The following OSBPL5 variants were observed in gnomAD, a reference collection of about 807,000 sequenced individuals.
OSBPL5 encodes oxysterol-binding protein-related protein 5.
OSBPL5 carries 71 observed loss-of-function variants against 111.2 expected under a neutral mutation model. The ratio of observed to expected loss-of-function variants is 0.64; its 90% CI spans 0.53 to 0.78. The LOEUF (loss-of-function observed/expected upper bound fraction) is 0.78, where lower values mean the gene tolerates loss of function less well. Ranked by LOEUF, OSBPL5 falls within the 30% of genes least tolerant of loss-of-function variation. The pLI, the probability that OSBPL5 is intolerant of heterozygous loss-of-function variation, is 0.00. For missense variants in OSBPL5, 1,210 were observed against 1,189.3 expected (o/e 1.02, Z -0.26); for synonymous variants, 549 against 513.9 (o/e 1.07, Z -0.93).
rs367840281 is a variant in OSBPL5 at position 3,103,273 on chromosome 11, C to T, written c.1292G>A (p.Arg431Gln). The T allele has an allele frequency of 5.3e-5, 85 of 1,608,356 alleles. No homozygotes were observed. The highest frequency in any genetic ancestry group is 6.7e-5 in the African/African-American group (5 of 74,884). Reference sequence around the variant, plus strand: ...CTTGTAGAAGCCAGACAGGTACCACCGCAGCACCAGCTTCATGCGGCTGTA... The same window carrying T: ...CTTGTAGAAGCCAGACAGGTACCACTGCAGCACCAGCTTCATGCGGCTGTA... ...DAYSRMKLVL[R>Q]WYLSGFYKKP... The change falls in exon 11 of 22, where the codon CGG becomes CAG. Residue 431 changes from arginine (R) to glutamine (Q), a missense_variant. By Grantham distance (43) the Arg-to-Gln change is conservative. Coordinates refer to ENST00000263650, the MANE Select transcript of OSBPL5 (RefSeq NM_020896.4).
chr11:3,131,701 T>TCCATCCATCCATCCTC (rs879927668), intron 1 of OSBPL5, among the ~76,000 whole-genome samples: 40,412 of 112,472 alleles, frequency 0.36, 7,678 homozygotes, highest in Non-Finnish European at 0.42. Context: ...CATTCATCTA[T>TCCATCCATCCATCCTC]CCATCCATCC....
In OSBPL5 at chr11:3,088,348, A is replaced by G; in HGVS notation, c.2502-5T>C. 6.4e-7 allele frequency: 1 copy of G among 1,557,134 alleles called. No homozygotes were observed. The highest frequency in any genetic ancestry group is 2.1e-4 in the Middle Eastern group (1 of 4,768). The stretch of plus-strand genomic sequence containing the variant: ...CTCAGCATGGCCGAGAGGTGCCTGC[A>G]AGGACAGGCGACAGATCGTGGGGGC... On this transcript the variant is annotated splice_polypyrimidine_tract_variant and splice_region_variant and intron_variant, in intron 21 of 21. Transcript: ENST00000263650.
chr11:3,131,699 TATCCATCCATCC>T (rs796941353), intron 1 of OSBPL5, among the ~76,000 whole-genome samples: 1,186 of 79,102 alleles, frequency 0.015, 23 homozygotes, highest in African/African-American at 0.045. Flanking sequence ...CCCATTCATC[TATCCATCCATCC>T]ATCCATCCAT....
chr11:3,093,806 G>C lies in OSBPL5; in HGVS notation c.1749C>G (p.Asn583Lys). 6.2e-7 allele frequency: 1 copy of C among 1,612,902 alleles called. No individual in the cohort carries two copies. Among genetic ancestry groups the C allele is most frequent in the Non-Finnish European group, 8.5e-7 (1 of 1,179,982 alleles). The change falls in exon 16 of 22, where the codon AAC becomes AAG. Residue 583 changes from asparagine (N) to lysine (K), a missense_variant. By Grantham distance (94) the Asn-to-Lys change is moderately conservative (BLOSUM62 0). Coordinates refer to ENST00000263650, the MANE Select transcript of OSBPL5 (RefSeq NM_020896.4). ...KPFFGGSTSI[N>K]QISGKITSGE... ...CCGACGTGATCTTTCCCGAGATCTG[G>C]TTGATGCTGGTGCTACCCCCGAAGA...
Position 3,162,422 on chromosome 11 carries a change from C to T in OSBPL5, c.-22+2794G>A, listed in dbSNP as rs189044205. On this transcript the variant is annotated intron_variant, in intron 1 of 21. Coordinates refer to ENST00000263650, the MANE Select transcript of OSBPL5 (RefSeq NM_020896.4). This position sits in a 1 kb window ranked among gnomAD's most constrained non-coding sequence, Gnocchi z 8.1. ...CCCACCCCCTCCCCATCTCCCACCTCAAGCCCTGGTCCTGAGGACACAGCT... is the reference window on the plus strand; with the variant it reads ...CCCACCCCCTCCCCATCTCCCACCTTAAGCCCTGGTCCTGAGGACACAGCT... Among the ~76,000 whole-genome samples the T allele has an allele frequency of 2.7e-3, 404 of 152,160 alleles. No homozygotes were observed. Among genetic ancestry groups the T allele is most frequent in the Non-Finnish European group, 3.2e-3 (215 of 68,000 alleles).
intron 11 of OSBPL5, among the ~76,000 whole-genome samples, chr11:3,102,644 G>A (rs951617677): frequency 6.6e-6 from 1 of 150,852 alleles, no homozygotes; most frequent in Non-Finnish European, 1.5e-5. Flanking sequence ...CCCCAAACCT[G>A]CTGTACGACT....
intron 1 of OSBPL5, among the ~76,000 whole-genome samples, chr11:3,152,845 A>G (rs1001992781): frequency 2.0e-5 from 3 of 152,222 alleles, no homozygotes; most frequent in Admixed American, 6.5e-5. Flanking sequence ...AGCCCAATCA[A>G]GCATCATGGA....
At position 3,121,914 on chromosome 11, in the gene OSBPL5, A is replaced by G. The variant is rs1319111326; in HGVS notation, c.402+83T>C. The G allele has an allele frequency of 4.0e-6, 5 of 1,264,998 alleles. No individual in the cohort carries two copies. The African/African-American group carries it at 5.9e-5, about 15-fold the overall frequency. The allele number at this position is 1,264,998 out of a possible 1,614,324, so 78.4% of individuals were successfully genotyped here. On this transcript the variant is annotated intron_variant, in intron 5 of 21. Transcript: ENST00000263650. The surrounding 1 kb of genome is among the most constrained non-coding windows in gnomAD (Gnocchi z 4.3). ...CAGGGAAGTGAATTTCCATCGTTTC[A>G]GGCCACCTGGTTTATGGTCCTTTGT...
Position 3,126,717 on chromosome 11 carries a change from T to A in OSBPL5, c.137-162A>T. 1.9e-6 allele frequency: 1 copy of A among 532,586 alleles called. No individual in the cohort carries two copies. The highest frequency in any genetic ancestry group is 3.3e-6 in the Non-Finnish European group (1 of 300,848). 33.0% of individuals were successfully genotyped at this position (532,586 alleles called of 1,614,324 possible). A position where few individuals can be genotyped will look rare whatever the true frequency, so the allele number is the denominator to read the frequency against. ...CAGGAACAGGACACTGCCTGAGAGGTGTAATAAACGCCAGCAAGCGTCACT... is the reference window on the plus strand; with the variant it reads ...CAGGAACAGGACACTGCCTGAGAGGAGTAATAAACGCCAGCAAGCGTCACT... On this transcript the variant is annotated intron_variant, in intron 2 of 21. Transcript: ENST00000263650. This position sits in a 1 kb window ranked among gnomAD's most constrained non-coding sequence, Gnocchi z 6.5.
In OSBPL5 at chr11:3,122,699, G is replaced by A. The variant is rs142641639; in HGVS notation, c.220-271C>T. On this transcript the variant is annotated intron_variant, in intron 3 of 21. Coordinates refer to ENST00000263650, the MANE Select transcript of OSBPL5 (RefSeq NM_020896.4). ...CTCCCCGGGGCACATGCTGGGATGGGGCAGGGTGGTCAGGAAGGAGGGAAA... is the reference window on the plus strand; with the variant it reads ...CTCCCCGGGGCACATGCTGGGATGGAGCAGGGTGGTCAGGAAGGAGGGAAA... 3.8e-3 allele frequency among the ~76,000 whole-genome samples: 579 copies of A among 152,360 alleles called. 5 individuals carry two copies. The highest frequency in any genetic ancestry group is 0.013 in the African/African-American group (532 of 41,586).
Position 3,092,367 on chromosome 11 carries a change from G to C in OSBPL5, c.2259+65C>G, listed in dbSNP as rs948512619. 1.5e-5 allele frequency: 23 copies of C among 1,495,404 alleles called. 1 individual carries two copies. Among genetic ancestry groups the C allele is most frequent in the African/African-American group, 2.8e-5 (2 of 72,050 alleles). The allele number at this position is 1,495,404 out of a possible 1,614,324, so 92.6% of individuals were successfully genotyped here. ...GGAAGGGAGGAGTGAGGTGAGGAGCGAGGGGTGGTGGTGGCCACACGTGCA... is the reference window on the plus strand; with the variant it reads ...GGAAGGGAGGAGTGAGGTGAGGAGCCAGGGGTGGTGGTGGCCACACGTGCA... On this transcript the variant is annotated intron_variant, in intron 19 of 21. Coordinates refer to ENST00000263650, the MANE Select transcript of OSBPL5 (RefSeq NM_020896.4). The surrounding 1 kb of genome is among the most constrained non-coding windows in gnomAD (Gnocchi z 5.4).
At chr11:3,093,485 A>G (rs1857136541) in intron 17 of OSBPL5, 42 bp downstream of exon 17, 5 of 1,592,528 alleles carry the variant, frequency 3.1e-6, no homozygotes, top group Non-Finnish European at 2.6e-6. Flanking sequence ...TGGCCATGTC[A>G]GGCTGTGGTC....
chr11:3,158,155 C>T (rs535400520), intron 1 of OSBPL5, among the ~76,000 whole-genome samples: 3 of 152,390 alleles, frequency 2.0e-5, no homozygotes, highest in Admixed American at 6.5e-5. Context: ...CTCTCCCAGC[C>T]TCCTGTGGCC....
chr11:3,157,905 T>C (rs984499143), intron 1 of OSBPL5, among the ~76,000 whole-genome samples: 9 of 152,294 alleles, frequency 5.9e-5, no homozygotes, highest in Non-Finnish European at 1.2e-4. Context: ...ACGGCAGCCG[T>C]GTGTGTTCAG....
intron 7 of OSBPL5, among the ~76,000 whole-genome samples, chr11:3,115,511 A>G (rs1012432651): frequency 2.0e-5 from 3 of 152,224 alleles, no homozygotes; most frequent in African/African-American, 7.2e-5. Flanking sequence ...CACAGAAATT[A>G]AAGCTGTTCA....
chr11:3,156,906 A>G (rs4370914), intron 1 of OSBPL5, among the ~76,000 whole-genome samples: 94,118 of 151,998 alleles, frequency 0.62, 29,868 homozygotes, highest in African/African-American at 0.72. Context: ...TGGGGCTTTA[A>G]GACTTGCCCA....
intron 3 of OSBPL5, among the ~76,000 whole-genome samples, chr11:3,125,168 G>A (rs1858569005): frequency 6.6e-6 from 1 of 152,252 alleles, no homozygotes; most frequent in Admixed American, 6.5e-5. Context: ...CCTGAGAGAT[G>A]AGAAGTGCTG....
chr11:3,155,154 G>C (rs1174301007), intron 1 of OSBPL5, among the ~76,000 whole-genome samples: 1 of 152,220 alleles, frequency 6.6e-6, no homozygotes, highest in Non-Finnish European at 1.5e-5. Flanking sequence ...AGAACTGAGA[G>C]AGAATCAACG....
intron 1 of OSBPL5, among the ~76,000 whole-genome samples, chr11:3,144,337 C>T (rs1246829749): frequency 6.6e-6 from 1 of 152,162 alleles, no homozygotes; most frequent in African/African-American, 2.4e-5. Context: ...CATGGTAAAG[C>T]CCCATGACGG....
Sources: gnomAD v4.1 joint callset for allele counts (sites outside exome capture counted in the v4.1 genomes callset) on GRCh38, gnomAD v4.1.1 for gene constraint, Gnocchi (gnomAD v3.1) non-coding constraint, MANE v1.5 for transcripts, NCBI Gene and HGNC (gene_info 2026-07-23, HGNC 2026-07-21) for gene names.